Variants in SPATA7 observed in about 807,000 individuals in gnomAD.
The protein encoded by SPATA7 is spermatogenesis-associated protein 7.
Under a neutral mutation model 51.8 loss-of-function variants are expected in SPATA7, and 43 were observed. That is an observed-to-expected ratio of 0.83 (90% CI 0.65 to 1.07). The LOEUF (loss-of-function observed/expected upper bound fraction) is 1.07, where lower values mean the gene tolerates loss of function less well. Among genes scored for constraint, SPATA7 ranks in the 50% least tolerant of loss-of-function variants. The pLI, the probability that SPATA7 is intolerant of heterozygous loss-of-function variation, is 0.00. For missense variants in SPATA7, 683 were observed against 701.3 expected (o/e 0.97, Z 0.30); for synonymous variants, 230 against 252.8 (o/e 0.91, Z 0.86).
intron 4 of SPATA7, among the ~76,000 whole-genome samples, chr14:88,409,908 GT>G (rs2076294462): frequency 1.3e-5 from 2 of 152,200 alleles, no homozygotes; most frequent in East Asian, 3.8e-4. Flanking sequence ...CTTTGAGTGA[GT>G]TTCTTAATCC....
intron 10 of SPATA7, among the ~76,000 whole-genome samples, chr14:88,433,580 A>G (rs1344808973): frequency 2.7e-4 from 41 of 152,206 alleles, no homozygotes; most frequent in Non-Finnish European, 4.4e-5. Flanking sequence ...TGGTGCAACC[A>G]TTATTAGTAT....
At chr14:88,432,982 TG>T (rs960651106) in intron 9 of SPATA7, 152 bp from the exon 10 acceptor site, 2 of 621,728 alleles carry the variant, frequency 3.2e-6, no homozygotes, top group African/African-American at 3.7e-5. Flanking sequence ...AAGGTAGACA[TG>T]TTTGTTTTGT....
At chr14:88,396,293 G>A (rs1429180466) in intron 4 of SPATA7, 90 bp downstream of exon 4, 1 of 905,554 alleles carries the variant, frequency 1.1e-6, no homozygotes, top group Non-Finnish European at 1.8e-6. Flanking sequence ...CCATTTTTAA[G>A]TGTCCAGTTC....
At chr14:88,470,215 C>T in exon 5 of SPATA7, 2 of 652,600 alleles carry the variant, frequency 3.1e-6, no homozygotes, top group Middle Eastern at 4.2e-4. Context: ...TTCATCTTTT[C>T]CCTTGTGAAT....
intron 4 of SPATA7, among the ~76,000 whole-genome samples, chr14:88,396,420 T>C (rs1169095109): frequency 6.6e-6 from 1 of 152,200 alleles, no homozygotes; most frequent in Non-Finnish European, 1.5e-5. Flanking sequence ...CCATAGGCCC[T>C]GGAAACCAAC....
intron 4 of SPATA7, among the ~76,000 whole-genome samples, chr14:88,407,254 T>A (rs2076224030): frequency 1.3e-5 from 2 of 152,242 alleles, no homozygotes; most frequent in Admixed American, 1.3e-4. Flanking sequence ...GCGTTCATAT[T>A]TCTCCACATC....
At chr14:88,429,161 T>C in intron 7 of SPATA7, 187 bp from the exon 8 acceptor site, 1 of 404,984 alleles carries the variant, frequency 2.5e-6, no homozygotes, top group Non-Finnish European at 4.5e-6. Context: ...ATAAGTCATT[T>C]TATCTTTAAG....
chr14:88,402,008 A>G (rs775157967), intron 4 of SPATA7, among the ~76,000 whole-genome samples: 5 of 152,152 alleles, frequency 3.3e-5, no homozygotes, highest in Non-Finnish European at 4.4e-5. Flanking sequence ...TACACAAACA[A>G]CTGTCTGAAA....
intron 4 of SPATA7, among the ~76,000 whole-genome samples, chr14:88,406,340 T>G (rs1371812103): frequency 6.6e-6 from 1 of 151,958 alleles, no homozygotes; most frequent in Non-Finnish European, 1.5e-5. Context: ...CAAACCAATT[T>G]TAGAACATTT....
chr14:88,467,494 A>G (rs1176695754), intron 4 of SPATA7: 1 of 152,274 alleles, frequency 6.6e-6, no homozygotes, highest in Non-Finnish European at 1.5e-5. Flanking sequence ...GTACAACTAT[A>G]TAGAATTTTT....
chr14:88,432,140 G>A (rs2076959513), intron 9 of SPATA7, among the ~76,000 whole-genome samples: 1 of 151,902 alleles, frequency 6.6e-6, no homozygotes, highest in African/African-American at 2.4e-5. Context: ...TAATAGTTCA[G>A]GATACTCTTT....
intron 5 of SPATA7, 23 bp from the exon 6 acceptor site, chr14:88,426,209 A>G (rs751210528): frequency 5.2e-6 from 8 of 1,543,764 alleles, no homozygotes; most frequent in Non-Finnish European, 6.3e-6. Context: ...GCAGTTGATG[A>G]CTGTCATATC....
Position 88,426,567 on chromosome 14 carries a change from AC to A in SPATA7, c.709del (p.Gln237AsnfsTer9). ...DKHSELFSNK[Q>X]LPFTPRTLKT... ...AACATTCTGAACTCTTTTCTAACAAACAATTGCCATTCACTCCTCGCACTTT... is the reference window on the plus strand; with the variant it reads ...AACATTCTGAACTCTTTTCTAACAAAAATTGCCATTCACTCCTCGCACTTT... On this transcript the variant is annotated frameshift_variant, in exon 6 of 12. Coordinates refer to ENST00000393545, the MANE Select transcript of SPATA7 (RefSeq NM_018418.5). LOFTEE classifies it high-confidence loss of function. The A allele has an allele frequency of 1.2e-6, 2 of 1,614,158 alleles. No homozygotes were observed. The highest frequency in any genetic ancestry group is 1.7e-6 in the Non-Finnish European group (2 of 1,180,028).
downstream of SPATA7, among the ~76,000 whole-genome samples, chr14:88,459,660 CTT>C (rs1274305046): frequency 6.6e-6 from 1 of 152,116 alleles, no homozygotes; most frequent in African/African-American, 2.4e-5. Flanking sequence ...GGTCTTGACT[CTT>C]TATCCGTTTT....
In SPATA7 at chr14:88,438,124, C is replaced by T. The variant is rs746473642; in HGVS notation, c.1502C>T (p.Ser501Leu). ...FFMPIYKSKHSEGVIIQQVND... is the reference protein window; with the variant it reads ...FFMPIYKSKHLEGVIIQQVND... ...ATGCCTATTTATAAATCAAAGCATT[C>T]AGAAGGGGTTATAATTCAACAGGTG... The change falls in exon 12 of 12, where the codon TCA (serine) becomes TTA (leucine). Residue 501 changes from serine (S) to leucine (L), a missense_variant. Transcript: ENST00000393545. 9.3e-6 allele frequency: 15 copies of T among 1,613,968 alleles called. No individual in the cohort carries two copies. Among genetic ancestry groups the T allele is most frequent in the Middle Eastern group, 1.6e-4 (1 of 6,062 alleles).
chr14:88,425,407 A>G (rs1198324974), intron 5 of SPATA7, among the ~76,000 whole-genome samples: 1 of 152,136 alleles, frequency 6.6e-6, no homozygotes, highest in Non-Finnish European at 1.5e-5. Flanking sequence ...TTTAACCTCA[A>G]TTTCTGTAAC....
At chr14:88,443,632 G>C (rs191314199) in intron 3 of SPATA7, among the ~76,000 whole-genome samples, 3,440 of 104,898 alleles carry the variant, frequency 0.033, 140 homozygotes, top group African/African-American at 0.12. Context: ...TCCCTCCCCC[G>C]ACCCCACGAC....
chr14:88,432,098 A>G (rs1311935415), intron 9 of SPATA7, among the ~76,000 whole-genome samples: 2 of 152,172 alleles, frequency 1.3e-5, no homozygotes, highest in East Asian at 1.9e-4. Context: ...TAATAAAATA[A>G]TAAAGAAGAG....
chr14:88,432,813 C>T, intron 9 of SPATA7: 1 of 219,280 alleles, frequency 4.6e-6, no homozygotes, highest in South Asian at 8.7e-5. Context: ...TGCTTGCTCC[C>T]AGTGGATTGC....
Sources: gnomAD v4.1 joint callset for allele counts (sites outside exome capture counted in the v4.1 genomes callset) on GRCh38, gnomAD v4.1.1 for gene constraint, MANE v1.5 for transcripts, NCBI Gene and HGNC (gene_info 2026-07-23, HGNC 2026-07-21) for gene names.